Variants in STK4 observed in about 807,000 individuals in gnomAD.
STK4 encodes the protein serine/threonine-protein kinase 4.
In STK4, 30 loss-of-function variants were observed where a neutral mutation model predicts 64.9. That is an observed-to-expected ratio of 0.46 (90% CI 0.35 to 0.63). The LOEUF (loss-of-function observed/expected upper bound fraction) is 0.63. STK4 is among the 20% of genes least tolerant of loss of function. The pLI is 0.01. For missense variants in STK4, 466 were observed against 598.5 expected (o/e 0.78, Z 2.31); for synonymous variants, 177 against 199.0 (o/e 0.89, Z 0.93).
At chr20:45,044,087 A>G (rs530236782) in intron 10 of STK4, among the ~76,000 whole-genome samples, 2 of 152,338 alleles carry the variant, frequency 1.3e-5, no homozygotes, top group East Asian at 1.9e-4. Flanking sequence ...AGAACTTCCT[A>G]ATGCTTTCTT....
intron 10 of STK4, among the ~76,000 whole-genome samples, chr20:45,057,985 A>G (rs769936104): frequency 3.9e-5 from 6 of 152,114 alleles, no homozygotes; most frequent in African/African-American, 1.2e-4. Context: ...AAACAAACCT[A>G]TCTTTTTTAG....
intron 10 of STK4, among the ~76,000 whole-genome samples, chr20:45,055,913 A>G (rs893876782): frequency 3.3e-5 from 5 of 151,910 alleles, no homozygotes; most frequent in Non-Finnish European, 2.9e-5. Flanking sequence ...TTGTATTTTT[A>G]GGAGAGACGG....
At position 44,995,150 on chromosome 20, in the gene STK4, A is replaced by G. The variant is rs1312616952; in HGVS notation, c.586A>G (p.Ile196Val). 6.2e-7 allele frequency: 1 copy of G among 1,613,802 alleles called. No homozygotes were observed. The highest frequency in any genetic ancestry group is 1.7e-5 in the Admixed American group (1 of 59,978). Reference protein sequence around the residue: ...GTPFWMAPEVIQEIGYNCVAD... With the variant: ...GTPFWMAPEVVQEIGYNCVAD... The stretch of plus-strand genomic sequence containing the variant: ...ACCATTTTGGATGGCTCCAGAAGTG[A>G]TTCAGGAAATTGGATACAACTGTGT... Residue 196 changes from isoleucine to valine, a missense_variant, in exon 6 of 11, where the codon ATT (isoleucine) becomes GTT (valine). Around this residue, in one of 2 missense-constraint regions of STK4, gnomAD observed 190 missense variants for 289.7 expected, o/e 0.66. Transcript: ENST00000372806.
intron 10 of STK4, among the ~76,000 whole-genome samples, chr20:45,036,235 A>G (rs997560155): frequency 6.6e-6 from 1 of 152,198 alleles, no homozygotes; most frequent in Non-Finnish European, 1.5e-5. Flanking sequence ...TCAGTTACCC[A>G]CTGCAGTCTG....
intron 10 of STK4, among the ~76,000 whole-genome samples, chr20:45,063,208 A>G (rs1331916024): frequency 6.7e-6 from 1 of 148,188 alleles, no homozygotes; most frequent in African/African-American, 2.5e-5. Context: ...GGGTTTCACC[A>G]TGTTTCCCAG....
Position 44,966,587 on chromosome 20 carries a change from AG to A in STK4, c.21del (p.Asn8ThrfsTer7). The A allele has an allele frequency of 7.9e-7, 1 of 1,273,732 alleles. No individual in the cohort carries two copies. Among genetic ancestry groups the A allele is most frequent in the Non-Finnish European group, 1.0e-6 (1 of 1,001,772 alleles). The allele number at this position is 1,273,732 out of a possible 1,614,324, so 78.9% of individuals were successfully genotyped here. A position where few individuals can be genotyped will look rare whatever the true frequency, so the allele number is the denominator to read the frequency against. Reference sequence around the variant, plus strand: ...CAGCGCCATGGAGACGGTACAGCTGAGGAACCCGCCGCGCCGGTGAGGGGCC... The same window carrying A: ...CAGCGCCATGGAGACGGTACAGCTGAGAACCCGCCGCGCCGGTGAGGGGCC... METVQLRNPPRRQLKKL... is the reference protein window; with the variant it reads METVQLXNPPRRQLKKL... On this transcript the variant is annotated frameshift_variant, in exon 1 of 11. Transcript: ENST00000372806. LOFTEE classifies it high-confidence loss of function.
At chr20:45,052,284 C>T (rs1430769131) in intron 10 of STK4, among the ~76,000 whole-genome samples, 2 of 152,130 alleles carry the variant, frequency 1.3e-5, no homozygotes, top group African/African-American at 4.8e-5. Context: ...TCCACCCCCC[C>T]CAGCAATAAT....
intron 2 of STK4, chr20:44,974,643 TG>T (rs2067307305): frequency 6.6e-6 from 1 of 152,186 alleles, no homozygotes; most frequent in Non-Finnish European, 1.5e-5. Context: ...ACTTATTTTT[TG>T]TATTTTAGTA....
chr20:45,052,261 C>G (rs1278584113), intron 10 of STK4, among the ~76,000 whole-genome samples: 1 of 134,096 alleles, frequency 7.5e-6, no homozygotes, highest in Non-Finnish European at 1.6e-5. Context: ...AAGAAAATGT[C>G]TCTTACAACT....
chr20:45,071,339 A>G (rs2145484778), intron 10 of STK4, among the ~76,000 whole-genome samples: 2 of 152,362 alleles, frequency 1.3e-5, no homozygotes, highest in Middle Eastern at 6.8e-3. Context: ...TATTCATTTG[A>G]AATGTATTTA....
intron 5 of STK4, 53 bp downstream of exon 5, chr20:44,987,349 A>C: frequency 1.3e-6 from 2 of 1,513,840 alleles, no homozygotes; most frequent in Non-Finnish European, 1.8e-6. Context: ...CCTGAGAAGC[A>C]GTTCCTTTTA....
At chr20:45,042,402 C>G (rs1431518934) in intron 10 of STK4, among the ~76,000 whole-genome samples, 1 of 152,112 alleles carries the variant, frequency 6.6e-6, no homozygotes, top group Non-Finnish European at 1.5e-5. Context: ...TCTATTAGAG[C>G]TCTTGAAAGT....
In STK4 at chr20:44,987,037, T is replaced by C. The variant is rs2067541267; in HGVS notation, c.361-95T>C. 5 of 1,035,790 alleles carry C rather than the reference T, an allele frequency of 4.8e-6. No individual in the cohort carries two copies. The South Asian group carries it at 8.6e-5, about 18-fold the overall frequency. 64.2% of individuals were successfully genotyped at this position (1,035,790 alleles called of 1,614,324 possible). A position where few individuals can be genotyped will look rare whatever the true frequency, so the allele number is the denominator to read the frequency against. ...CTGTTCACAGGTTGAATAAGATCTGTTTATATTAAAGAAAGGTTTGGATCT... is the reference window on the plus strand; with the variant it reads ...CTGTTCACAGGTTGAATAAGATCTGCTTATATTAAAGAAAGGTTTGGATCT... On this transcript the variant is annotated intron_variant, in intron 4 of 10. Coordinates refer to ENST00000372806, the MANE Select transcript of STK4 (RefSeq NM_006282.5).
intron 5 of STK4, 85 bp from the exon 6 acceptor site, chr20:44,995,005 T>G: frequency 8.6e-7 from 1 of 1,161,806 alleles, no homozygotes; most frequent in Non-Finnish European, 1.1e-6. Flanking sequence ...TTTTTTTTTT[T>G]CTTCTTTTTT....
chr20:44,968,134 T>A lies in STK4; in HGVS notation c.35+1531T>A, dbSNP rs149539462. ...AATGTCTATGGGGTCTGGTCCAAAGTCCATGTTCTTTTTTTTTTTTTGAGA... is the reference window on the plus strand; with the variant it reads ...AATGTCTATGGGGTCTGGTCCAAAGACCATGTTCTTTTTTTTTTTTTGAGA... On this transcript the variant is annotated intron_variant, in intron 1 of 10. Transcript: ENST00000372806. Among the ~76,000 whole-genome samples, 4 of 150,526 alleles carry A rather than the reference T, an allele frequency of 2.7e-5. No homozygotes were observed. In the East Asian group the frequency reaches 8.0e-4, roughly 30 times the overall value.
Position 45,072,184 on chromosome 20 carries a change from A to G in STK4, c.1306-2834A>G, listed in dbSNP as rs11906391. On this transcript the variant is annotated intron_variant, in intron 10 of 10. Transcript: ENST00000372806. ...CAAGTGATTCTGATACAGGTGATCC[A>G]TAGGTCATACACTGAGAAACATTGA... Among the ~76,000 whole-genome samples, 885 of 152,336 alleles carry G rather than the reference A, an allele frequency of 5.8e-3. 13 individuals carry two copies. The highest frequency in any genetic ancestry group is 0.02 in the African/African-American group (835 of 41,560).
intron 10 of STK4, among the ~76,000 whole-genome samples, chr20:45,057,618 C>A (rs1978600133): frequency 6.6e-6 from 1 of 152,158 alleles, no homozygotes; most frequent in African/African-American, 2.4e-5. Flanking sequence ...GTAAGTCAGA[C>A]CCCAGATTGG....
intron 10 of STK4, among the ~76,000 whole-genome samples, chr20:45,070,869 G>C (rs1980005699): frequency 7.2e-6 from 1 of 139,416 alleles, no homozygotes; most frequent in Non-Finnish European, 1.5e-5. Flanking sequence ...CTGGGGGACA[G>C]AGCCAGACTC....
Position 44,995,105 on chromosome 20 carries a change from C to A in STK4, c.541C>A (p.Arg181=), listed in dbSNP as rs1239517479. The part of the protein sequence containing the change: ...AGQLTDTMAK[R]NTVIGTPFWM... ...TCTATTTTAGGATACCATGGCCAAG[C>A]GGAATACAGTGATAGGAACACCATT... is the stretch of plus-strand genomic sequence containing the variant. Residue 181 remains arginine (R), a synonymous_variant, in exon 6 of 11, where the codon CGG becomes AGG. Coordinates refer to ENST00000372806, the MANE Select transcript of STK4 (RefSeq NM_006282.5). 4.4e-6 allele frequency: 7 copies of A among 1,602,792 alleles called. No homozygotes were observed. The highest frequency in any genetic ancestry group is 3.3e-4 in the Middle Eastern group (2 of 6,030).
Sources: gnomAD v4.1 joint callset for allele counts (sites outside exome capture counted in the v4.1 genomes callset) on GRCh38, gnomAD v4.1.1 for gene constraint, gnomAD v4.1.1 regional missense constraint, MANE v1.5 for transcripts, NCBI Gene and HGNC (gene_info 2026-07-23, HGNC 2026-07-21) for gene names.